CHD1L: variants seen among roughly 807,000 people sequenced by gnomAD.
CHD1L encodes the protein ATP-dependent chromatin remodeler CHD1L.
In CHD1L, 118 loss-of-function variants were observed where a neutral mutation model predicts 115.9. The ratio of observed to expected loss-of-function variants is 1.02; its 90% confidence interval spans 0.88 to 1.19. The LOEUF (loss-of-function observed/expected upper bound fraction) is 1.19, where lower values mean the gene tolerates loss of function less well. Ranked by LOEUF, CHD1L falls within the 50% of genes most tolerant of loss-of-function variation. The pLI is 0.00. For missense variants in CHD1L, 1,179 were observed against 1,065.3 expected, an observed-to-expected ratio of 1.11 and a Z score of -1.49; for synonymous variants, 411 against 387.1, an observed-to-expected ratio of 1.06 and a Z score of -0.72.
rs587737412 is a variant in CHD1L, at chr1:147,266,039, T to C, written c.847T>C (p.Ser283Pro). 6.2e-6 allele frequency: 10 copies of C among 1,613,578 alleles called. No homozygotes were observed. The highest frequency in any genetic ancestry group is 3.3e-5 in the Admixed American group (2 of 59,942). The change falls in exon 8 of 23, where the codon TCA becomes CCA. Residue 283 changes from serine (S) to proline (P), a missense_variant. Coordinates refer to ENST00000369258, the MANE Select transcript of CHD1L (RefSeq NM_004284.6). Reference sequence around the variant, plus strand: ...AGAAGTAGTGATATACCATGGCATGTCAGCATTGCAGAAGAAATACTACAA... The same window carrying C: ...AGAAGTAGTGATATACCATGGCATGCCAGCATTGCAGAAGAAATACTACAA... ...KTEVVIYHGM[S>P]ALQKKYYKAI...
the CHD1L span, chr1:147,203,909 T>G: frequency 1.3e-6 from 2 of 1,556,790 alleles, no homozygotes; most frequent in Non-Finnish European, 8.9e-7. Flanking sequence ...TCCCATTTCT[T>G]CAAGGACAGG....
rs201131909 is a variant in CHD1L, at chr1:147,273,878, A to G, written c.1271-1476A>G. 3.9e-5 allele frequency among the ~76,000 whole-genome samples: 6 copies of G among 152,280 alleles called. 1 individual carries two copies. In the South Asian group the frequency reaches 1.0e-3, roughly 26 times the overall value. ...TAACAGGTTTCCTTCCAAATTTCAA[A>G]TATTTCTGTGATGAGTCATGTTGCC... On this transcript the variant is annotated intron_variant, in intron 12 of 22. Transcript: ENST00000369258.
chr1:147,184,079 T>G, the CHD1L span, among the ~76,000 whole-genome samples: 9 of 152,198 alleles, frequency 5.9e-5, 1 homozygote, highest in Non-Finnish European at 8.8e-5. The surrounding 1 kb of genome is among the most constrained non-coding windows in gnomAD (Gnocchi z 4.4). Context: ...ACATTATGCA[T>G]TATTAAAGCA....
At chr1:147,264,346 T>C in intron 6 of CHD1L, 76 bp from the exon 7 acceptor site, 1 of 1,312,794 alleles carries the variant, frequency 7.6e-7, no homozygotes, top group Non-Finnish European at 1.1e-6. Flanking sequence ...TCTGTGTGGG[T>C]AAAGGTTGTG....
the CHD1L span, among the ~76,000 whole-genome samples, chr1:147,228,624 C>A: frequency 6.6e-6 from 1 of 152,060 alleles, no homozygotes; most frequent in Non-Finnish European, 1.5e-5. Flanking sequence ...ACAGTCCCAC[C>A]AACAGTGTAA....
the CHD1L span, chr1:147,204,906 C>T: frequency 1.1e-5 from 17 of 1,580,522 alleles, no homozygotes; most frequent in Admixed American, 1.7e-5. Flanking sequence ...GGGCGAAGCC[C>T]GGAGCCTTGG....
the CHD1L span, among the ~76,000 whole-genome samples, chr1:147,211,862 T>C: frequency 1.3e-5 from 2 of 152,236 alleles, no homozygotes; most frequent in African/African-American, 4.8e-5. Flanking sequence ...TGCTACAGTT[T>C]GGACGCTATA....
At chr1:147,250,886 G>T (rs1668203173) in intron 1 of CHD1L, among the ~76,000 whole-genome samples, 1 of 152,144 alleles carries the variant, frequency 6.6e-6, no homozygotes, top group African/African-American at 2.4e-5. Context: ...CAAGGGTGGT[G>T]CCAGGTGGAG....
chr1:147,285,585 C>A, intron 17 of CHD1L, 98 bp downstream of exon 17: 1 of 1,335,158 alleles, frequency 7.5e-7, no homozygotes, highest in Non-Finnish European at 1.0e-6. Flanking sequence ...ACAGAAAATT[C>A]ATTTTAAGTT....
chr1:147,266,913 T>C (rs1223366327), intron 8 of CHD1L, among the ~76,000 whole-genome samples: 1 of 152,336 alleles, frequency 6.6e-6, no homozygotes, highest in African/African-American at 2.4e-5. Flanking sequence ...TTATCATAGG[T>C]ATGTATGTAT....
the CHD1L span, among the ~76,000 whole-genome samples, chr1:147,221,871 G>C: frequency 6.6e-6 from 1 of 152,236 alleles, no homozygotes; most frequent in South Asian, 2.1e-4. Context: ...CTTAGGTAAG[G>C]TTTACCACTG....
the CHD1L span, chr1:147,184,411 T>C: frequency 1.5e-6 from 2 of 1,344,718 alleles, no homozygotes; most frequent in African/African-American, 3.0e-5. The surrounding 1 kb of genome is among the most constrained non-coding windows in gnomAD (Gnocchi z 4.4). Context: ...ATGCATACTT[T>C]ATTAATATTC....
chr1:147,230,716 C>G, the CHD1L span, among the ~76,000 whole-genome samples: 1 of 148,642 alleles, frequency 6.7e-6, no homozygotes, highest in Non-Finnish European at 1.5e-5. Context: ...AGAGATTCAA[C>G]TTCTTCCCGG....
Position 147,286,324 on chromosome 1 carries a change from A to G in CHD1L, c.2045A>G (p.Tyr682Cys), listed in dbSNP as rs782650323. Residue 682 changes from tyrosine (Y) to cysteine (C), a missense_variant, in exon 18 of 23, where the codon TAC becomes TGC. Tyr to Cys is a radical substitution (Grantham distance 194). Coordinates refer to ENST00000369258, the MANE Select transcript of CHD1L (RefSeq NM_004284.6). ...ATGGCCTGGTGGGAATCCAACAATT[A>G]CCAGTCCTTCTGCCTGCCCTCTGAG... ...KKMAWWESNN[Y>C]QSFCLPSEES... The G allele has an allele frequency of 2.5e-6, 4 of 1,613,978 alleles. No individual in the cohort carries two copies. In the African/African-American group the frequency reaches 5.3e-5, roughly 22 times the overall value.
chr1:147,255,070 C>G, intron 3 of CHD1L, 94 bp downstream of exon 3: 1 of 888,174 alleles, frequency 1.1e-6, no homozygotes. Context: ...AACCTATTGT[C>G]GTAATTAGTA....
At chr1:147,203,795 G>A in the CHD1L span, 2 of 1,545,596 alleles carry the variant, frequency 1.3e-6, no homozygotes, top group Non-Finnish European at 1.8e-6. Flanking sequence ...ATTGTCTGTA[G>A]AGCCCCGAAG....
the CHD1L span, chr1:147,214,720 T>C: frequency 6.6e-6 from 1 of 152,092 alleles, no homozygotes; most frequent in Non-Finnish European, 1.5e-5. Context: ...CTGCAACGTA[T>C]AGATCTCTAG....
chr1:147,196,025 G>A, the CHD1L span, among the ~76,000 whole-genome samples: 1 of 152,130 alleles, frequency 6.6e-6, no homozygotes, highest in Admixed American at 6.6e-5. Flanking sequence ...AGAGTTTAAT[G>A]TTAATACATG....
At chr1:147,194,285 C>T in the CHD1L span, among the ~76,000 whole-genome samples, 1 of 152,064 alleles carries the variant, frequency 6.6e-6, no homozygotes, top group Non-Finnish European at 1.5e-5. Flanking sequence ...CTCTTTAGAT[C>T]TTTGCTGGTT....
Sources: allele counts gnomAD v4.1 joint callset (sites outside exome capture counted in the v4.1 genomes callset), GRCh38; gene constraint gnomAD v4.1.1; non-coding constraint Gnocchi (gnomAD v3.1); transcripts MANE v1.5; gene names NCBI Gene and HGNC (gene_info 2026-07-23, HGNC 2026-07-21).